COMMD1: variants seen among roughly 807,000 people sequenced by gnomAD.
COMMD1 encodes COMM domain-containing protein 1.
COMMD1 carries 10 observed loss-of-function variants against 17.2 expected under a neutral mutation model. The ratio of observed to expected loss-of-function variants is 0.58; its 90% CI spans 0.36 to 0.99. The LOEUF is 0.99. Ranked by LOEUF, COMMD1 falls within the 50% of genes least tolerant of loss-of-function variation. The pLI is 0.01. For synonymous variants in COMMD1, 97 were observed against 91.6 expected, an observed-to-expected ratio of 1.06 and a Z score of -0.34; for missense variants, 270 against 231.8, an observed-to-expected ratio of 1.17 and a Z score of -1.07.
At chr2:62,008,218 T>C (rs1287864760) in intron 2 of COMMD1, among the ~76,000 whole-genome samples, 8 of 152,150 alleles carry the variant, frequency 5.3e-5, no homozygotes. Context: ...AATCAGTTTA[T>C]ACTGAGCTTG....
intron 1 of COMMD1, among the ~76,000 whole-genome samples, chr2:61,961,273 C>T (rs889467232): frequency 6.6e-6 from 1 of 152,286 alleles, no homozygotes; most frequent in Middle Eastern, 3.4e-3. Flanking sequence ...GCTGCTGTGT[C>T]CAGTTTCCAT....
chr2:61,918,954 C>T (rs1670115490), intron 1 of COMMD1, among the ~76,000 whole-genome samples: 2 of 152,192 alleles, frequency 1.3e-5, no homozygotes, highest in South Asian at 2.1e-4. Context: ...ATGTTTAAAA[C>T]AATAATTTTA....
intron 2 of COMMD1, among the ~76,000 whole-genome samples, chr2:62,120,306 T>G (rs531469858): frequency 1.4e-4 from 20 of 141,072 alleles, no homozygotes; most frequent in South Asian, 1.1e-3. Flanking sequence ...CAGCTGTGGG[T>G]TTTTTTTTTT....
intron 2 of COMMD1, among the ~76,000 whole-genome samples, chr2:62,052,356 A>G (rs1004095477): frequency 4.6e-5 from 7 of 152,184 alleles, no homozygotes; most frequent in African/African-American, 1.7e-4. Flanking sequence ...ATTAAAATTA[A>G]AAGAAAAATA....
In COMMD1 at chr2:61,945,539, CA is replaced by C. The variant is rs1173187868; in HGVS notation, c.180+39684del. On this transcript the variant is annotated intron_variant, in intron 1 of 2. Transcript: ENST00000311832. ...GCACTCAGAAGACCTTTCAGGTTGC[CA>C]AATGTAAACCCAAAATATTTGAGAT... Among the ~76,000 whole-genome samples, 6 of 152,076 alleles carry C rather than the reference CA, an allele frequency of 3.9e-5. No homozygotes were observed. In the East Asian group the frequency reaches 1.2e-3, roughly 29 times the overall value.
At chr2:61,925,950 TTTTTTTG>T (rs963373043) in intron 1 of COMMD1, among the ~76,000 whole-genome samples, 26 of 152,160 alleles carry the variant, frequency 1.7e-4, no homozygotes, top group Middle Eastern at 6.8e-3. Context: ...GTTAGTGTTT[TTTTTTTG>T]TTTTTTGTTT....
At chr2:61,927,539 C>T (rs1475580559) in intron 1 of COMMD1, among the ~76,000 whole-genome samples, 1 of 151,918 alleles carries the variant, frequency 6.6e-6, no homozygotes, top group Non-Finnish European at 1.5e-5. Flanking sequence ...ACTACAGATG[C>T]CCGCCCGCCA....
chr2:62,126,332 T>C (rs1448119060), intron 2 of COMMD1, among the ~76,000 whole-genome samples: 1 of 152,212 alleles, frequency 6.6e-6, no homozygotes, highest in Non-Finnish European at 1.5e-5. Flanking sequence ...TTCTAGATCT[T>C]TGATGAATCG....
intron 1 of COMMD1, among the ~76,000 whole-genome samples, chr2:61,973,609 A>C (rs987629302): frequency 6.6e-6 from 1 of 152,186 alleles, no homozygotes; most frequent in Non-Finnish European, 1.5e-5. Context: ...GAGTCGTTAT[A>C]TATTTTTCAT....
chr2:62,132,660 C>CATG (rs1673075344), intron 2 of COMMD1, among the ~76,000 whole-genome samples: 1 of 152,054 alleles, frequency 6.6e-6, no homozygotes. Flanking sequence ...GCCTGGCCAA[C>CATG]ATGACGACAC....
At chr2:62,073,403 C>T (rs1671254260) in intron 2 of COMMD1, among the ~76,000 whole-genome samples, 1 of 152,200 alleles carries the variant, frequency 6.6e-6, no homozygotes, top group South Asian at 2.1e-4. Flanking sequence ...CCTCCACCAT[C>T]CTCTAATCTT....
intron 1 of COMMD1, among the ~76,000 whole-genome samples, chr2:61,982,265 A>T (rs1671974834): frequency 6.6e-6 from 1 of 152,028 alleles, no homozygotes; most frequent in Non-Finnish European, 1.5e-5. Flanking sequence ...TGTAAATGGG[A>T]TTACTTTCTT....
intron 2 of COMMD1, among the ~76,000 whole-genome samples, chr2:62,045,559 C>CTTT (rs756748901): frequency 7.2e-6 from 1 of 138,686 alleles, no homozygotes; most frequent in Admixed American, 7.2e-5. Flanking sequence ...TTTCCTTCTT[C>CTTT]TTTTTTTTTT....
rs182712754 is a variant in COMMD1, at chr2:62,100,773, A to T, written c.463-35058A>T. Among the ~76,000 whole-genome samples the T allele has an allele frequency of 8.5e-5, 13 of 152,310 alleles. No homozygotes were observed. In the East Asian group the frequency reaches 2.3e-3, roughly 27 times the overall value. ...AAAAATATTTCCTATTCGGATCTTT[A>T]AAAGGTACTAGACTTTAGCTAATCT... On this transcript the variant is annotated intron_variant, in intron 2 of 2. Transcript: ENST00000311832.
At chr2:62,038,220 G>A (rs113901447) in intron 2 of COMMD1, among the ~76,000 whole-genome samples, 10 of 152,208 alleles carry the variant, frequency 6.6e-5, no homozygotes, top group African/African-American at 2.4e-4. Context: ...TCCAGGAGGC[G>A]GAGGTTGCAG....
At chr2:62,027,112 C>T (rs149388861) in intron 2 of COMMD1, among the ~76,000 whole-genome samples, 14 of 152,120 alleles carry the variant, frequency 9.2e-5, no homozygotes, top group Non-Finnish European at 1.5e-4. Context: ...GTCAAAAAAT[C>T]ACTAGCCTAA....
intron 2 of COMMD1, among the ~76,000 whole-genome samples, chr2:62,041,693 G>A (rs1470688784): frequency 1.3e-5 from 2 of 152,178 alleles, no homozygotes; most frequent in Non-Finnish European, 2.9e-5. Flanking sequence ...TGGTCTCGCT[G>A]ACTTCAAGAA....
chr2:61,941,585 G>A (rs2103638131), intron 1 of COMMD1, among the ~76,000 whole-genome samples: 1 of 152,214 alleles, frequency 6.6e-6, no homozygotes, highest in Middle Eastern at 3.4e-3. Context: ...TATTTTATAG[G>A]GAGAGCAGGA....
chr2:61,902,165 G>T (rs577962446), upstream of COMMD1, among the ~76,000 whole-genome samples: 1 of 150,352 alleles, frequency 6.7e-6, no homozygotes, highest in Admixed American at 6.6e-5. Context: ...GAAAATATTT[G>T]CATGTAGGTA....
Sources: allele counts gnomAD v4.1 joint callset (sites outside exome capture counted in the v4.1 genomes callset), GRCh38; gene constraint gnomAD v4.1.1; transcripts MANE v1.5; gene names NCBI Gene and HGNC (gene_info 2026-07-23, HGNC 2026-07-21).